SLC2A13: variants seen among roughly 807,000 people sequenced by gnomAD.
SLC2A13 encodes the protein proton myo-inositol cotransporter.
In SLC2A13, 32 loss-of-function variants were observed where a neutral mutation model predicts 64.4. The ratio of observed to expected loss-of-function variants is 0.50; its 90% CI spans 0.37 to 0.67. The LOEUF (loss-of-function observed/expected upper bound fraction) is 0.67, where lower values mean the gene tolerates loss of function less well. SLC2A13 is among the 30% of genes least tolerant of loss of function. The pLI is 0.00. For missense variants in SLC2A13, 743 were observed against 829.2 expected (o/e 0.90, Z 1.28); for synonymous variants, 338 against 327.1 (o/e 1.03, Z -0.36).
intron 9 of SLC2A13, among the ~76,000 whole-genome samples, chr12:39,761,356 TGAGA>T (rs1351164540): frequency 6.6e-6 from 1 of 151,948 alleles, no homozygotes; most frequent in African/African-American, 2.4e-5. Flanking sequence ...AAGAGATGGT[TGAGA>T]GAGAGACTTG....
intron 3 of SLC2A13, among the ~76,000 whole-genome samples, chr12:39,995,830 C>T (rs1001791045): frequency 2.2e-4 from 34 of 152,252 alleles, no homozygotes; most frequent in African/African-American, 7.0e-4. Flanking sequence ...ACGGGAGTTT[C>T]CCTGCACAAG....
At chr12:40,081,445 A>G (rs1938398994) in intron 1 of SLC2A13, among the ~76,000 whole-genome samples, 1 of 152,166 alleles carries the variant, frequency 6.6e-6, no homozygotes, top group Non-Finnish European at 1.5e-5. Flanking sequence ...CTGGTCTTCA[A>G]GCTCTGAGAT....
chr12:40,051,224 G>T (rs1275749727), intron 1 of SLC2A13, among the ~76,000 whole-genome samples: 3 of 152,332 alleles, frequency 2.0e-5, no homozygotes, highest in Non-Finnish European at 4.4e-5. Flanking sequence ...ACAATGACCA[G>T]GTGGTAGTTG....
chr12:39,910,426 T>A (rs1413674482), intron 4 of SLC2A13, among the ~76,000 whole-genome samples: 1 of 152,126 alleles, frequency 6.6e-6, no homozygotes, highest in East Asian at 1.9e-4. Context: ...TCAAGCTGCC[T>A]ATGTGTTATA....
At chr12:39,991,360 T>C (rs1195728539) in intron 3 of SLC2A13, among the ~76,000 whole-genome samples, 1 of 152,202 alleles carries the variant, frequency 6.6e-6, no homozygotes, top group East Asian at 1.9e-4. Context: ...TCCAGTGCTC[T>C]GCTCCCATCA....
intron 1 of SLC2A13, among the ~76,000 whole-genome samples, chr12:40,054,525 A>T (rs906527158): frequency 1.3e-5 from 2 of 152,212 alleles, no homozygotes; most frequent in African/African-American, 4.8e-5. Context: ...ATATTTTGAA[A>T]AAGCTCAGTT....
chr12:39,901,036 A>G (rs999348931), intron 4 of SLC2A13, among the ~76,000 whole-genome samples: 2 of 152,166 alleles, frequency 1.3e-5, no homozygotes, highest in South Asian at 2.1e-4. Flanking sequence ...ATAACACTGC[A>G]TATCTACAAC....
intron 1 of SLC2A13, among the ~76,000 whole-genome samples, chr12:40,096,924 C>T (rs1036576759): frequency 6.6e-6 from 1 of 152,040 alleles, no homozygotes; most frequent in Non-Finnish European, 1.5e-5. Context: ...GACCATATTT[C>T]GCTTTCACAA....
intron 1 of SLC2A13, among the ~76,000 whole-genome samples, chr12:40,079,537 T>TTA (rs1938312000): frequency 6.6e-6 from 1 of 152,212 alleles, no homozygotes; most frequent in Non-Finnish European, 1.5e-5. Context: ...GTGGTCAATG[T>TTA]TAGAGTATGT....
chr12:39,942,623 T>C (rs993428133), intron 4 of SLC2A13, among the ~76,000 whole-genome samples: 9 of 152,176 alleles, frequency 5.9e-5, no homozygotes, highest in Admixed American at 1.3e-4. Flanking sequence ...GGAAAATTAT[T>C]CCTCTGGTTA....
At chr12:40,026,547 G>A (rs1376699448) in intron 3 of SLC2A13, among the ~76,000 whole-genome samples, 2 of 152,262 alleles carry the variant, frequency 1.3e-5, no homozygotes, top group East Asian at 1.9e-4. Flanking sequence ...GGCTAGAGTA[G>A]TCAGACATAT....
intron 3 of SLC2A13, among the ~76,000 whole-genome samples, chr12:40,014,724 G>A (rs1413678443): frequency 6.6e-6 from 1 of 152,038 alleles, no homozygotes; most frequent in Non-Finnish European, 1.5e-5. Flanking sequence ...AAACTCCCAA[G>A]CTCAGTGATC....
intron 3 of SLC2A13, among the ~76,000 whole-genome samples, chr12:39,980,568 A>G: frequency 6.6e-6 from 1 of 151,678 alleles, no homozygotes. Context: ...AGATCAAAAG[A>G]GACAAAGAAG....
chr12:39,812,996 A>ATTTTTTTTTTTTTTTTTT lies in SLC2A13; in HGVS notation c.1445+17089_1445+17106dup, dbSNP rs71449493. Among the ~76,000 whole-genome samples the ATTTTTTTTTTTTTTTTTT allele has an allele frequency of 2.8e-3, 115 of 40,616 alleles. 44 individuals are homozygous for ATTTTTTTTTTTTTTTTTT. Among genetic ancestry groups the ATTTTTTTTTTTTTTTTTT allele is most frequent in the Non-Finnish European group, 4.0e-3 (95 of 23,816 alleles). 26.6% of individuals were successfully genotyped at this position (40,616 alleles called of 152,430 possible). ...AGGCGCCTGACATCATGCCCAGCTA[A>ATTTTTTTTTTTTTTTTTT]TTTTTTTTTTTTTTTTTTTTTTTTT... On this transcript the variant is annotated intron_variant, in intron 7 of 9. Coordinates refer to ENST00000280871, the MANE Select transcript of SLC2A13 (RefSeq NM_052885.4).
intron 4 of SLC2A13, among the ~76,000 whole-genome samples, chr12:39,909,265 A>C (rs1945367791): frequency 6.6e-6 from 1 of 152,066 alleles, no homozygotes; most frequent in Non-Finnish European, 1.5e-5. Flanking sequence ...GTCATTTCTT[A>C]TTTCTAAATT....
At chr12:39,841,076 G>C (rs1943165961) in intron 6 of SLC2A13, among the ~76,000 whole-genome samples, 1 of 151,964 alleles carries the variant, frequency 6.6e-6, no homozygotes, top group Admixed American at 6.6e-5. Flanking sequence ...CTGTAAAAGA[G>C]TCATATTTCT....
intron 3 of SLC2A13, among the ~76,000 whole-genome samples, chr12:39,972,320 A>T (rs2136132561): frequency 6.6e-6 from 1 of 152,162 alleles, no homozygotes; most frequent in South Asian, 2.1e-4. Context: ...TGATCTCCCA[A>T]GAGCCTGCTG....
At chr12:39,810,853 A>G (rs1277138359) in intron 7 of SLC2A13, among the ~76,000 whole-genome samples, 1 of 152,120 alleles carries the variant, frequency 6.6e-6, no homozygotes, top group Non-Finnish European at 1.5e-5. Context: ...CTGTCTGTAT[A>G]CAAGGGAGAT....
chr12:39,925,295 A>C (rs1945706412), intron 4 of SLC2A13, among the ~76,000 whole-genome samples: 1 of 152,050 alleles, frequency 6.6e-6, no homozygotes. Context: ...TACCTCCCAA[A>C]GTGTTGGGAT....
Sources: allele counts gnomAD v4.1 joint callset (sites outside exome capture counted in the v4.1 genomes callset), GRCh38; gene constraint gnomAD v4.1.1; transcripts MANE v1.5; gene names NCBI Gene and HGNC (gene_info 2026-07-23, HGNC 2026-07-21).